ARIH1: variants seen among roughly 807,000 people sequenced by gnomAD.
The protein encoded by ARIH1 is ariadne RBR E3 ubiquitin protein ligase 1, also known as E3 ubiquitin-protein ligase ARIH1.
In ARIH1, 8 loss-of-function variants were observed where a neutral mutation model predicts 85.0. That is an observed-to-expected ratio of 0.09 (90% CI 0.06 to 0.17). The LOEUF (loss-of-function observed/expected upper bound fraction) is 0.17, where lower values mean the gene tolerates loss of function less well. Among genes scored for constraint, ARIH1 ranks in the 10% least tolerant of loss-of-function variants. The probability of loss-of-function intolerance (pLI) is 1.00; values close to 1 mark genes in which losing one functional copy is unlikely to be tolerated. For synonymous variants in ARIH1, 238 were observed against 253.6 expected, an observed-to-expected ratio of 0.94 and a Z score of 0.59; for missense variants, 311 against 718.1, an observed-to-expected ratio of 0.43 and a Z score of 6.48.
In ARIH1 at chr15:72,511,505, A is replaced by G. The variant is rs1040470870; in HGVS notation, c.376-6562A>G. 2.0e-5 allele frequency among the ~76,000 whole-genome samples: 3 copies of G among 151,990 alleles called. No homozygotes were observed. In the South Asian group the frequency reaches 6.2e-4, roughly 31 times the overall value. On this transcript the variant is annotated intron_variant, in intron 1 of 13. Transcript: ENST00000379887. ...TTTTTAGTAGAAATGGGGTTTCATC[A>G]TGTTGGCCAGGCTGGTCTTGAACTC...
rs1427219244 is a variant in ARIH1, at chr15:72,589,403, T to C, written c.*6111T>C. 6.6e-6 allele frequency: 1 copy of C among 152,242 alleles called. No individual in the cohort carries two copies. Among genetic ancestry groups the C allele is most frequent in the African/African-American group, 2.4e-5 (1 of 41,466 alleles). 9.4% of individuals were successfully genotyped at this position (152,242 alleles called of 1,614,324 possible). A position where few individuals can be genotyped will look rare whatever the true frequency, so the allele number is the denominator to read the frequency against. On this transcript the variant is annotated 3_prime_UTR_variant, in exon 14 of 14. Transcript: ENST00000379887. ...TGGGCAAAAGATAAGGATACAGAGCTGTCTCAGAGACTCCCAAAGGCAGGA... is the reference window on the plus strand; with the variant it reads ...TGGGCAAAAGATAAGGATACAGAGCCGTCTCAGAGACTCCCAAAGGCAGGA...
chr15:72,550,788 C>T (rs1421800753), intron 3 of ARIH1, among the ~76,000 whole-genome samples: 2 of 152,130 alleles, frequency 1.3e-5, no homozygotes, highest in Non-Finnish European at 1.5e-5. Context: ...TCTTCTGCCT[C>T]AGCTTCCCGA....
At chr15:72,509,695 C>T (rs1567342825) in intron 1 of ARIH1, among the ~76,000 whole-genome samples, 2 of 151,976 alleles carry the variant, frequency 1.3e-5, no homozygotes, top group Admixed American at 1.3e-4. Flanking sequence ...CTCAAGGGAT[C>T]CTACTCACCT....
At chr15:72,565,011 TGAG>T (rs2064213137) in intron 7 of ARIH1, among the ~76,000 whole-genome samples, 2 of 152,186 alleles carry the variant, frequency 1.3e-5, no homozygotes, top group Admixed American at 6.5e-5. Context: ...TTGAGGGTCT[TGAG>T]GAGTAAGAAG....
At chr15:72,564,896 C>T (rs1429327840) in intron 7 of ARIH1, among the ~76,000 whole-genome samples, 1 of 152,026 alleles carries the variant, frequency 6.6e-6, no homozygotes, top group Non-Finnish European at 1.5e-5. Context: ...CCTAAAGGCT[C>T]CACATCCTAA....
chr15:72,518,729 A>G (rs1476539345), intron 2 of ARIH1, among the ~76,000 whole-genome samples: 1 of 151,282 alleles, frequency 6.6e-6, no homozygotes, highest in Non-Finnish European at 1.5e-5. Flanking sequence ...CGGAGGTTGC[A>G]GTGAGCAGAG....
At chr15:72,502,610 G>A (rs1485521388) in intron 1 of ARIH1, among the ~76,000 whole-genome samples, 2 of 152,080 alleles carry the variant, frequency 1.3e-5, no homozygotes, top group Non-Finnish European at 2.9e-5. Context: ...TTTCAGACCA[G>A]CCAGGGCAAC....
intron 1 of ARIH1, among the ~76,000 whole-genome samples, chr15:72,495,065 G>C (rs2063874340): frequency 6.6e-6 from 1 of 152,224 alleles, no homozygotes; most frequent in African/African-American, 2.4e-5. Context: ...ACCTAGGGCA[G>C]TGTTCATGAC....
intron 2 of ARIH1, among the ~76,000 whole-genome samples, chr15:72,520,806 T>C (rs1255292410): frequency 6.6e-6 from 1 of 152,182 alleles, no homozygotes; most frequent in African/African-American, 2.4e-5. Flanking sequence ...TGTCCTTTCC[T>C]TGTCCCTATC....
At chr15:72,534,598 T>A (rs1490347261) in intron 2 of ARIH1, among the ~76,000 whole-genome samples, 1 of 152,182 alleles carries the variant, frequency 6.6e-6, no homozygotes, top group Non-Finnish European at 1.5e-5. Flanking sequence ...CCAAGACAGC[T>A]TTTCTCACTG....
rs578077143 is a variant in ARIH1 at position 72,554,100 on chromosome 15, A to G, written c.589-1171A>G. ...ATATTTTATTTATGGAAATATGGAA[A>G]AATATTTTTTTCTTCAGTTGATGGA... On this transcript the variant is annotated intron_variant, in intron 3 of 13. Transcript: ENST00000379887. Among the ~76,000 whole-genome samples, 14 of 152,302 alleles carry G rather than the reference A, an allele frequency of 9.2e-5. No individual in the cohort carries two copies. The South Asian group carries it at 2.9e-3, about 32-fold the overall frequency.
At chr15:72,540,955 A>T (rs2064104424) in intron 2 of ARIH1, among the ~76,000 whole-genome samples, 1 of 152,190 alleles carries the variant, frequency 6.6e-6, no homozygotes, top group Non-Finnish European at 1.5e-5. Flanking sequence ...ATGTGATCGG[A>T]CCCAACACCA....
intron 1 of ARIH1, among the ~76,000 whole-genome samples, chr15:72,494,409 GGGGT>G (rs1204845643): frequency 3.3e-4 from 50 of 152,290 alleles, no homozygotes; most frequent in Non-Finnish European, 5.1e-4. Flanking sequence ...CTAGGCAGAT[GGGGT>G]TAGAGGTGGC....
At chr15:72,566,842 G>A (rs1473603736) in intron 8 of ARIH1, among the ~76,000 whole-genome samples, 1 of 152,082 alleles carries the variant, frequency 6.6e-6, no homozygotes, top group Non-Finnish European at 1.5e-5. Flanking sequence ...TTTGTAATTA[G>A]GGGAATACAC....
Position 72,582,206 on chromosome 15 carries a change from G to T in ARIH1, c.1589+19G>T. 1 of 1,567,694 alleles carries T rather than the reference G, an allele frequency of 6.4e-7. No individual in the cohort carries two copies. The highest frequency in any genetic ancestry group is 8.7e-7 in the Non-Finnish European group (1 of 1,143,418). On this transcript the variant is annotated intron_variant, in intron 13 of 13. Transcript: ENST00000379887. This position sits in a 1 kb window ranked among gnomAD's most constrained non-coding sequence, Gnocchi z 4.6. Reference sequence around the variant, plus strand: ...AGTACAGGTAATTTTTTTTTAAGCTGTTGAATAAAACTTTCTGCCAGTGAT... The same window carrying T: ...AGTACAGGTAATTTTTTTTTAAGCTTTTGAATAAAACTTTCTGCCAGTGAT...
At chr15:72,554,432 G>A (rs1255211782) in intron 3 of ARIH1, among the ~76,000 whole-genome samples, 4 of 152,014 alleles carry the variant, frequency 2.6e-5, no homozygotes, top group African/African-American at 4.8e-5. Flanking sequence ...GTTGCCTGGT[G>A]TGGAGTGCAG....
At chr15:72,522,273 T>G (rs2064003541) in intron 2 of ARIH1, among the ~76,000 whole-genome samples, 1 of 152,214 alleles carries the variant, frequency 6.6e-6, no homozygotes, top group Non-Finnish European at 1.5e-5. Context: ...CAGCACATTG[T>G]GAGGCCAGGG....
At position 72,600,209 on chromosome 15, in the gene ARIH1, C is replaced by A. The variant is rs2064377666; in HGVS notation, c.*16917C>A. On this transcript the variant is annotated 3_prime_UTR_variant, in exon 14 of 14. Transcript: ENST00000379887. ...TGATTCCTCTTCTATGTCCTCAGCC[C>A]CCACCATAAAAATAGATAAATGCCA... 1 of 152,108 alleles carries A rather than the reference C, an allele frequency of 6.6e-6. No individual in the cohort carries two copies. The highest frequency in any genetic ancestry group is 2.4e-5 in the African/African-American group (1 of 41,396). The allele number at this position is 152,108 out of a possible 1,614,324, so 9.4% of individuals were successfully genotyped here.
At chr15:72,521,429 T>C (rs1007257131) in intron 2 of ARIH1, among the ~76,000 whole-genome samples, 3 of 152,198 alleles carry the variant, frequency 2.0e-5, no homozygotes, top group African/African-American at 7.2e-5. Flanking sequence ...ATTCATATTT[T>C]TGGTTTTGGA....
Sources: gnomAD v4.1 joint callset for allele counts (sites outside exome capture counted in the v4.1 genomes callset) on GRCh38, gnomAD v4.1.1 for gene constraint, Gnocchi (gnomAD v3.1) non-coding constraint, MANE v1.5 for transcripts, NCBI Gene and HGNC (gene_info 2026-07-23, HGNC 2026-07-21) for gene names.